SLC38A4: variants seen among roughly 807,000 people sequenced by gnomAD.
The protein encoded by SLC38A4 is sodium-coupled neutral amino acid transporter 4.
SLC38A4 carries 20 observed loss-of-function variants against 63.1 expected under a neutral mutation model. That is an observed-to-expected ratio of 0.32 (90% CI 0.22 to 0.46). The LOEUF (loss-of-function observed/expected upper bound fraction) is 0.46. Ranked by LOEUF, SLC38A4 falls within the 20% of genes least tolerant of loss-of-function variation. SLC38A4 has a pLI of 1.00. For synonymous variants in SLC38A4, 230 were observed against 225.5 expected (o/e 1.02, Z -0.18); for missense variants, 526 against 663.6 (o/e 0.79, Z 2.28).
Position 46,788,051 on chromosome 12 carries a change from A to G in SLC38A4, c.211-20T>C. The G allele has an allele frequency of 6.3e-7, 1 of 1,580,544 alleles. No individual in the cohort carries two copies. Among genetic ancestry groups the G allele is most frequent in the Non-Finnish European group, 8.7e-7 (1 of 1,149,984 alleles). ...GGGATGCTTGAAAAAGAAGGGATGT[A>G]TTATAAGCAAACATTTGCCAAAGGG... On this transcript the variant is annotated intron_variant, in intron 4 of 16. Transcript: ENST00000266579.
chr12:46,773,821 C>T (rs1045272238), intron 14 of SLC38A4, among the ~76,000 whole-genome samples: 4 of 152,018 alleles, frequency 2.6e-5, no homozygotes, highest in Non-Finnish European at 5.9e-5. Context: ...TAAAGCAATA[C>T]AGAAGCACAT....
chr12:46,767,968 C>T (rs1938332649), intron 16 of SLC38A4, among the ~76,000 whole-genome samples: 1 of 152,080 alleles, frequency 6.6e-6, no homozygotes, highest in Admixed American at 6.6e-5. Flanking sequence ...TTCCATAACA[C>T]CGCTAGGGAG....
At chr12:46,815,260 TATATATATATATATATATATATATACAC>T (rs1357326418) in intron 1 of SLC38A4, among the ~76,000 whole-genome samples, 5 of 107,544 alleles carry the variant, frequency 4.6e-5, no homozygotes, top group Non-Finnish European at 7.3e-5. Context: ...TATATATATA[TATATATATATATATATATATATATACAC>T]ACACACACAC....
At chr12:46,783,413 C>T (rs977692964) in intron 7 of SLC38A4, among the ~76,000 whole-genome samples, 1 of 151,808 alleles carries the variant, frequency 6.6e-6, no homozygotes, top group Non-Finnish European at 1.5e-5. Flanking sequence ...ATTTTATGCA[C>T]GACAAAAGTA....
At chr12:46,815,030 A>G (rs1381656046) in intron 1 of SLC38A4, among the ~76,000 whole-genome samples, 3 of 151,712 alleles carry the variant, frequency 2.0e-5, no homozygotes, top group Non-Finnish European at 4.4e-5. Flanking sequence ...ATCACGTACC[A>G]TGGCTTTGTG....
chr12:46,783,227 T>C (rs1266335375), intron 7 of SLC38A4, among the ~76,000 whole-genome samples: 1 of 143,708 alleles, frequency 7.0e-6, no homozygotes, highest in Non-Finnish European at 1.5e-5. Context: ...AATTGATAGA[T>C]GATAGATAGA....
chr12:46,807,591 C>T (rs993557957), intron 1 of SLC38A4, among the ~76,000 whole-genome samples: 2 of 151,906 alleles, frequency 1.3e-5, no homozygotes, highest in East Asian at 1.9e-4. Flanking sequence ...TGTTTTGGCA[C>T]TTCAAATTCT....
intron 14 of SLC38A4, among the ~76,000 whole-genome samples, chr12:46,772,048 G>T (rs1341594928): frequency 2.0e-5 from 3 of 151,838 alleles, no homozygotes; most frequent in Admixed American, 2.0e-4. Flanking sequence ...CCTGTTAGGG[G>T]GTGCTGTATT....
At chr12:46,767,046 C>T (rs1047145763) in intron 16 of SLC38A4, among the ~76,000 whole-genome samples, 2 of 151,692 alleles carry the variant, frequency 1.3e-5, no homozygotes, top group African/African-American at 2.4e-5. Context: ...ATTTAGTACA[C>T]CAAGATGATG....
chr12:46,794,222 C>T (rs558451041), intron 2 of SLC38A4, among the ~76,000 whole-genome samples: 40 of 152,228 alleles, frequency 2.6e-4, no homozygotes, highest in African/African-American at 9.4e-4. Flanking sequence ...AATACCTCCA[C>T]AACCCAGTGC....
At chr12:46,774,290 A>AT (rs1029341838) in intron 14 of SLC38A4, among the ~76,000 whole-genome samples, 36 of 152,002 alleles carry the variant, frequency 2.4e-4, no homozygotes, top group Admixed American at 3.9e-4. Flanking sequence ...TGTGTCACTT[A>AT]TTTTTTTCCC....
In SLC38A4 at chr12:46,803,916, GA is replaced by G. The variant is rs554790618; in HGVS notation, c.-304-123del. 6 of 152,028 alleles carry G rather than the reference GA, an allele frequency of 3.9e-5. No homozygotes were observed. The East Asian group carries it at 1.2e-3, about 29-fold the overall frequency. 9.4% of individuals were successfully genotyped at this position (152,028 alleles called of 1,614,324 possible). On this transcript the variant is annotated intron_variant, in intron 1 of 16. Transcript: ENST00000266579. ...GCTTTCATACAATAAAATAATCACT[GA>G]AAGTTTTAGCTTGGTTGGTGTCATT...
chr12:46,783,551 C>T (rs1291560990), intron 7 of SLC38A4, among the ~76,000 whole-genome samples: 1 of 151,968 alleles, frequency 6.6e-6, no homozygotes, highest in Non-Finnish European at 1.5e-5. Context: ...AAATGGTGAT[C>T]ATCTGTGGTC....
chr12:46,775,138 T>C lies in SLC38A4; in HGVS notation c.1210A>G (p.Lys404Glu). 1 of 1,612,376 alleles carries C rather than the reference T, an allele frequency of 6.2e-7. No individual in the cohort carries two copies. Among genetic ancestry groups the C allele is most frequent in the Non-Finnish European group, 8.5e-7 (1 of 1,178,980 alleles). ...VEDELLHAYSKVYTLDIPLLM... is the reference protein window; with the variant it reads ...VEDELLHAYSEVYTLDIPLLM... ...AGAGGGATGTCTAATGTATACACTT[T>C]GCTGTAGGCATGAAGTAATTCATCT... The change falls in exon 14 of 17, where the codon AAA becomes GAA. Residue 404 changes from lysine to glutamate, a missense_variant. Coordinates refer to ENST00000266579, the MANE Select transcript of SLC38A4 (RefSeq NM_018018.5).
At chr12:46,784,715 A>G in intron 6 of SLC38A4, 81 bp from the exon 7 acceptor site, 1 of 1,069,304 alleles carries the variant, frequency 9.4e-7, no homozygotes, top group Admixed American at 2.2e-5. Context: ...TCCATGCTGG[A>G]GTCTCAAACA....
chr12:46,820,637 T>C (rs944228186), intron 1 of SLC38A4, among the ~76,000 whole-genome samples: 1 of 152,118 alleles, frequency 6.6e-6, no homozygotes, highest in Non-Finnish European at 1.5e-5. Flanking sequence ...GCAATGAACA[T>C]AGGAGTGCAG....
chr12:46,818,986 T>G (rs1050905370), intron 1 of SLC38A4, among the ~76,000 whole-genome samples: 6 of 151,560 alleles, frequency 4.0e-5, no homozygotes, highest in African/African-American at 1.5e-4. Context: ...GCCTGGAGGA[T>G]CCTCAGGGCA....
intron 2 of SLC38A4, among the ~76,000 whole-genome samples, chr12:46,801,100 G>C (rs558318866): frequency 6.6e-6 from 1 of 152,052 alleles, no homozygotes; most frequent in African/African-American, 2.4e-5. Context: ...GCTCAACTGC[G>C]TTGTTAATTC....
intron 1 of SLC38A4, among the ~76,000 whole-genome samples, chr12:46,815,276 T>C (rs1329243061): frequency 0.049 from 3,778 of 77,180 alleles, 173 homozygotes; most frequent in African/African-American, 0.16. Flanking sequence ...TATATATATA[T>C]ATATATATAC....
Sources: gnomAD v4.1 joint callset for allele counts (sites outside exome capture counted in the v4.1 genomes callset) on GRCh38, gnomAD v4.1.1 for gene constraint, MANE v1.5 for transcripts, NCBI Gene and HGNC (gene_info 2026-07-23, HGNC 2026-07-21) for gene names.